PBX4: variants seen among roughly 807,000 people sequenced by gnomAD.
PBX4 encodes PBX homeobox 4.
Under a neutral mutation model 35.1 loss-of-function variants are expected in PBX4, and 26 were observed. That is an observed-to-expected ratio of 0.74 (90% CI 0.54 to 1.03). The LOEUF (loss-of-function observed/expected upper bound fraction) is 1.03. Ranked by LOEUF, PBX4 falls within the 50% of genes least tolerant of loss-of-function variation. The pLI is 0.00. For synonymous variants in PBX4, 199 were observed against 204.2 expected, an observed-to-expected ratio of 0.97 and a Z score of 0.22; for missense variants, 448 against 504.3, an observed-to-expected ratio of 0.89 and a Z score of 1.07.
chr19:19,571,768 C>T (rs2061384505), intron 2 of PBX4, among the ~76,000 whole-genome samples: 1 of 152,122 alleles, frequency 6.6e-6, no homozygotes, highest in South Asian at 2.1e-4. Context: ...CACAGTGGCT[C>T]ACGCCTGTAA....
Position 19,614,615 on chromosome 19 carries a change from G to A in PBX4, c.119+3896C>T, listed in dbSNP as rs190816475. ...CGCGCCACTGCACTCCAGCCTGATC[G>A]CGCCACTGCACTCCAGCCTGGACAA... On this transcript the variant is annotated intron_variant, in intron 1 of 7. Coordinates refer to ENST00000251203, the MANE Select transcript of PBX4 (RefSeq NM_025245.3). Among the ~76,000 whole-genome samples, 153 of 150,976 alleles carry A rather than the reference G, an allele frequency of 1.0e-3. 1 individual carries two copies. The South Asian group carries it at 0.015, about 15-fold the overall frequency.
Position 19,584,224 on chromosome 19 carries a change from C to G in PBX4, c.194-13391G>C, listed in dbSNP as rs149646877. ...CTGCACTCCAGCCTGGGTGACAGAGCGAGACTCTGATTCAAAAAAATAAAA... is the reference window on the plus strand; with the variant it reads ...CTGCACTCCAGCCTGGGTGACAGAGGGAGACTCTGATTCAAAAAAATAAAA... On this transcript the variant is annotated intron_variant, in intron 2 of 7. Transcript: ENST00000251203. Among the ~76,000 whole-genome samples the G allele has an allele frequency of 9.1e-3, 1,387 of 152,120 alleles. 26 individuals are homozygous for G. Among genetic ancestry groups the G allele is most frequent in the African/African-American group, 0.031 (1,293 of 41,486 alleles).
At chr19:19,568,228 C>T (rs2061356382) in intron 5 of PBX4, among the ~76,000 whole-genome samples, 1 of 146,404 alleles carries the variant, frequency 6.8e-6, no homozygotes, top group Admixed American at 6.8e-5. Flanking sequence ...GCTCACACTC[C>T]ATCTGTATCC....
chr19:19,588,115 T>G (rs1050221254), intron 2 of PBX4: 1 of 998,554 alleles, frequency 1.0e-6, no homozygotes, highest in Non-Finnish European at 1.6e-6. Flanking sequence ...CCGTATTTTT[T>G]GCGTTCATAG....
chr19:19,571,503 A>G (rs1036217281), intron 2 of PBX4, among the ~76,000 whole-genome samples: 4 of 152,294 alleles, frequency 2.6e-5, no homozygotes, highest in African/African-American at 9.6e-5. Flanking sequence ...GCTGGACTGC[A>G]GGGGAAGCAG....
chr19:19,599,506 C>T, intron 1 of PBX4, 141 bp from the exon 2 acceptor site: 2 of 670,678 alleles, frequency 3.0e-6, no homozygotes, highest in Non-Finnish European at 5.3e-6. Flanking sequence ...TATGAAAATG[C>T]AGTACAATCA....
Position 19,596,362 on chromosome 19 carries a change from G to GAATAAATAAATAAATA in PBX4, c.193+2914_193+2929dup, listed in dbSNP as rs58051660. 7.4e-4 allele frequency among the ~76,000 whole-genome samples: 110 copies of GAATAAATAAATAAATA among 149,022 alleles called. 1 individual carries two copies. Among genetic ancestry groups the GAATAAATAAATAAATA allele is most frequent in the South Asian group, 4.9e-3 (23 of 4,680 alleles). On this transcript the variant is annotated intron_variant, in intron 2 of 7. Coordinates refer to ENST00000251203, the MANE Select transcript of PBX4 (RefSeq NM_025245.3). ...CACTCCAGGCTGGGCAACAGAGTGA[G>GAATAAATAAATAAATA]AATAAATAAATAAATAAATAAATAA...
At chr19:19,617,854 A>C (rs1363082229) in intron 1 of PBX4, among the ~76,000 whole-genome samples, 1 of 151,598 alleles carries the variant, frequency 6.6e-6, no homozygotes, top group African/African-American at 2.4e-5. Flanking sequence ...CTCACTCTCC[A>C]TCATCTGCCC....
chr19:19,590,137 T>C (rs887894225), intron 2 of PBX4, among the ~76,000 whole-genome samples: 4 of 152,186 alleles, frequency 2.6e-5, no homozygotes, highest in Admixed American at 6.5e-5. Context: ...TGGTTTTTAG[T>C]TTATTTCCAA....
At chr19:19,582,626 G>C (rs764464821) in intron 2 of PBX4, among the ~76,000 whole-genome samples, 5 of 152,152 alleles carry the variant, frequency 3.3e-5, no homozygotes, top group Admixed American at 3.3e-4. Context: ...ATGCCCACAT[G>C]TGATCCGATT....
chr19:19,616,290 T>G (rs2061688492), intron 1 of PBX4, among the ~76,000 whole-genome samples: 1 of 152,108 alleles, frequency 6.6e-6, no homozygotes, highest in Non-Finnish European at 1.5e-5. Context: ...GAATAAATAG[T>G]CCGAACTCCC....
chr19:19,576,960 T>C (rs1451084058), intron 2 of PBX4, among the ~76,000 whole-genome samples: 1 of 152,082 alleles, frequency 6.6e-6, no homozygotes, highest in African/African-American at 2.4e-5. Context: ...CTTACTGTTC[T>C]CCAATTAAAA....
At chr19:19,613,767 A>G (rs2061675086) in intron 1 of PBX4, among the ~76,000 whole-genome samples, 1 of 152,114 alleles carries the variant, frequency 6.6e-6, no homozygotes, top group African/African-American at 2.4e-5. Flanking sequence ...GTGTCATGAA[A>G]CTACTGAATG....
At chr19:19,584,521 C>T (rs1477262150) in intron 2 of PBX4, among the ~76,000 whole-genome samples, 3 of 151,990 alleles carry the variant, frequency 2.0e-5, no homozygotes, top group Non-Finnish European at 4.4e-5. Flanking sequence ...GTCCCTACAG[C>T]TGGAGTAACC....
At chr19:19,613,677 C>G (rs2061674598) in intron 1 of PBX4, among the ~76,000 whole-genome samples, 1 of 152,102 alleles carries the variant, frequency 6.6e-6, no homozygotes. Context: ...AAAGCTCTGC[C>G]TCTGCGGTGA....
intron 2 of PBX4, among the ~76,000 whole-genome samples, chr19:19,579,052 G>C (rs1360949075): frequency 7.9e-5 from 12 of 152,108 alleles, no homozygotes; most frequent in Admixed American, 7.9e-4. Flanking sequence ...TTTCTATTTT[G>C]TAAACCACCC....
In PBX4 at chr19:19,563,467, T is replaced by C. The variant is rs948598844; in HGVS notation, c.1032+42A>G. On this transcript the variant is annotated intron_variant, in intron 7 of 7. Coordinates refer to ENST00000251203, the MANE Select transcript of PBX4 (RefSeq NM_025245.3). The surrounding 1 kb of genome is among the most constrained non-coding windows in gnomAD (Gnocchi z 5.1). ...GACAAGACGACCCTTTCTGAGAACC[T>C]ACCACCCACCTGGGCGCTGTGGGAC... The C allele has an allele frequency of 3.4e-6, 5 of 1,451,532 alleles. No individual in the cohort carries two copies. The African/African-American group carries it at 7.1e-5, about 21-fold the overall frequency. The allele number at this position is 1,451,532 out of a possible 1,614,324, so 89.9% of individuals were successfully genotyped here. A position where few individuals can be genotyped will look rare whatever the true frequency, so the allele number is the denominator to read the frequency against.
At chr19:19,576,796 T>C (rs1435368461) in intron 2 of PBX4, among the ~76,000 whole-genome samples, 1 of 151,756 alleles carries the variant, frequency 6.6e-6, no homozygotes, top group East Asian at 1.9e-4. Context: ...TTTATTTTTG[T>C]AGAGATGGCA....
At chr19:19,618,293 C>T (rs1461325554) in intron 1 of PBX4, among the ~76,000 whole-genome samples, 5 of 152,208 alleles carry the variant, frequency 3.3e-5, no homozygotes, top group Admixed American at 3.3e-4. Flanking sequence ...CTTCTCGCCC[C>T]AAGATGAGCT....
Sources: gnomAD v4.1 joint callset for allele counts (sites outside exome capture counted in the v4.1 genomes callset) on GRCh38, gnomAD v4.1.1 for gene constraint, Gnocchi (gnomAD v3.1) non-coding constraint, MANE v1.5 for transcripts, NCBI Gene and HGNC (gene_info 2026-07-23, HGNC 2026-07-21) for gene names.